The following KHDRBS2 variants were observed in gnomAD, a reference collection of about 807,000 sequenced individuals.
The protein encoded by KHDRBS2 is KH domain-containing, RNA-binding, signal transduction-associated protein 2.
Under a neutral mutation model 44.3 loss-of-function variants are expected in KHDRBS2, and 26 were observed. The observed-to-expected ratio is 0.59, with a 90% confidence interval of 0.43 to 0.81. KHDRBS2 has a LOEUF of 0.81. Ranked by LOEUF, KHDRBS2 falls within the 40% of genes least tolerant of loss-of-function variation. The probability of loss-of-function intolerance (pLI) is 0.00; values close to 1 mark genes in which losing one functional copy is unlikely to be tolerated. For missense variants in KHDRBS2, 476 were observed against 433.1 expected, an observed-to-expected ratio of 1.10 and a Z score of -0.88; for synonymous variants, 194 against 151.1, an observed-to-expected ratio of 1.28 and a Z score of -2.08.
chr6:61,673,208 C>A, the KHDRBS2 span, among the ~76,000 whole-genome samples: 1 of 152,020 alleles, frequency 6.6e-6, no homozygotes, highest in Non-Finnish European at 1.5e-5. Context: ...TGATCTATAT[C>A]TCTGTTTTGG....
chr6:61,629,127 T>A, the KHDRBS2 span, among the ~76,000 whole-genome samples: 2 of 152,244 alleles, frequency 1.3e-5, no homozygotes, highest in African/African-American at 4.8e-5. Context: ...GAAATTCATT[T>A]GCTGATATTC....
intron 1 of KHDRBS2, among the ~76,000 whole-genome samples, chr6:62,283,406 T>C (rs1166950099): frequency 1.3e-5 from 2 of 152,094 alleles, no homozygotes; most frequent in African/African-American, 4.8e-5. Flanking sequence ...AAATGCAAAA[T>C]AAATCATTGT....
At chr6:62,272,594 T>G (rs553512247) in intron 1 of KHDRBS2, among the ~76,000 whole-genome samples, 28 of 152,322 alleles carry the variant, frequency 1.8e-4, no homozygotes, top group African/African-American at 6.7e-4. Flanking sequence ...AGTAAATTTC[T>G]GTATTGAGTA....
At chr6:62,164,748 C>A (rs1293011868) in intron 2 of KHDRBS2, among the ~76,000 whole-genome samples, 2 of 151,838 alleles carry the variant, frequency 1.3e-5, no homozygotes, top group Admixed American at 1.3e-4. Flanking sequence ...ATTAATTTTG[C>A]AAAATTGCCC....
chr6:61,829,150 A>T (rs1477090216), intron 6 of KHDRBS2, among the ~76,000 whole-genome samples: 2 of 152,090 alleles, frequency 1.3e-5, no homozygotes, highest in Non-Finnish European at 2.9e-5. Flanking sequence ...TGTAGTTGGG[A>T]TTGAGAATTT....
chr6:61,601,452 T>C, the KHDRBS2 span, among the ~76,000 whole-genome samples: 2 of 152,130 alleles, frequency 1.3e-5, no homozygotes, highest in Non-Finnish European at 1.5e-5. Flanking sequence ...TTGACCCCAA[T>C]ACAGACTTGA....
intron 4 of KHDRBS2, among the ~76,000 whole-genome samples, chr6:61,960,356 C>A (rs1768377331): frequency 6.6e-6 from 1 of 152,014 alleles, no homozygotes; most frequent in African/African-American, 2.4e-5. Context: ...CCTTTTGGAG[C>A]AGTTACAAAT....
At chr6:61,617,237 G>A in the KHDRBS2 span, among the ~76,000 whole-genome samples, 5 of 151,948 alleles carry the variant, frequency 3.3e-5, no homozygotes, top group African/African-American at 4.8e-5. Flanking sequence ...CTGTTCTGTC[G>A]CTATAGGTCT....
chr6:62,167,310 C>T (rs957579606), intron 2 of KHDRBS2, among the ~76,000 whole-genome samples: 1 of 151,828 alleles, frequency 6.6e-6, no homozygotes, highest in Admixed American at 6.6e-5. Flanking sequence ...AGTAGAAGCA[C>T]AACTAATTCG....
chr6:61,549,326 CCTT>C, the KHDRBS2 span, among the ~76,000 whole-genome samples: 2 of 151,970 alleles, frequency 1.3e-5, no homozygotes, highest in African/African-American at 4.8e-5. Flanking sequence ...TCTCAGGACT[CCTT>C]CACAGTCTTA....
At chr6:62,009,626 G>A (rs1300700909) in intron 3 of KHDRBS2, among the ~76,000 whole-genome samples, 1 of 152,136 alleles carries the variant, frequency 6.6e-6, no homozygotes, top group Non-Finnish European at 1.5e-5. Context: ...TGTGGGCCAG[G>A]CCCAGGGTCC....
At chr6:61,667,774 A>G in the KHDRBS2 span, among the ~76,000 whole-genome samples, 47 of 151,328 alleles carry the variant, frequency 3.1e-4, no homozygotes, top group African/African-American at 1.1e-3. Context: ...ATTTAGTCAC[A>G]GGCTAGCATT....
At chr6:61,900,765 T>C (rs1183626765) in intron 5 of KHDRBS2, among the ~76,000 whole-genome samples, 1 of 152,212 alleles carries the variant, frequency 6.6e-6, no homozygotes, top group East Asian at 1.9e-4. Flanking sequence ...GGGAAGACTA[T>C]ATCAATTCAA....
intron 2 of KHDRBS2, among the ~76,000 whole-genome samples, chr6:62,055,893 T>G (rs1440093887): frequency 2.0e-5 from 3 of 152,012 alleles, no homozygotes; most frequent in East Asian, 3.9e-4. Context: ...TCCGTGGATG[T>G]GGCAGCCCCA....
intron 1 of KHDRBS2, among the ~76,000 whole-genome samples, chr6:62,178,647 C>A (rs1821633530): frequency 6.6e-6 from 1 of 151,526 alleles, no homozygotes; most frequent in Non-Finnish European, 1.5e-5. Flanking sequence ...ACAGTCATCT[C>A]ATGCAATGCA....
chr6:61,961,510 G>A (rs1768718365), intron 4 of KHDRBS2, among the ~76,000 whole-genome samples: 1 of 152,046 alleles, frequency 6.6e-6, no homozygotes, highest in Admixed American at 6.6e-5. Context: ...CAAGGGGAAT[G>A]AGGAGTGCTG....
chr6:62,228,872 C>T lies in KHDRBS2; in HGVS notation c.92-51560G>A, dbSNP rs149566378. On this transcript the variant is annotated intron_variant, in intron 1 of 8. Transcript: ENST00000281156. ...GCTGGAGAACAGCAAAGAGGTGTGC[C>T]GCTCCTTCCTCTGGGATCTCTGACC... is the stretch of plus-strand genomic sequence containing the variant. Among the ~76,000 whole-genome samples, 275 of 152,180 alleles carry T rather than the reference C, an allele frequency of 1.8e-3. 1 individual carries two copies. Among genetic ancestry groups the T allele is most frequent in the South Asian group, 3.7e-3 (18 of 4,824 alleles).
intron 6 of KHDRBS2, among the ~76,000 whole-genome samples, chr6:61,870,120 A>C (rs1335898215): frequency 6.6e-6 from 1 of 152,078 alleles, no homozygotes; most frequent in Non-Finnish European, 1.5e-5. Flanking sequence ...CCAGCAAGCT[A>C]AGATCCACTG....
chr6:62,054,077 C>A (rs1443692836), intron 2 of KHDRBS2, among the ~76,000 whole-genome samples: 1 of 151,972 alleles, frequency 6.6e-6, no homozygotes, highest in Non-Finnish European at 1.5e-5. Context: ...TAGGAACTCC[C>A]AATGGCGTAT....
Sources: allele counts gnomAD v4.1 joint callset (sites outside exome capture counted in the v4.1 genomes callset), GRCh38; gene constraint gnomAD v4.1.1; transcripts MANE v1.5; gene names NCBI Gene and HGNC (gene_info 2026-07-23, HGNC 2026-07-21).